The following ASAP1 variants were observed in gnomAD, a reference collection of about 807,000 sequenced individuals.
ASAP1 encodes ArfGAP with SH3 domain, ankyrin repeat and PH domain 1.
ASAP1 carries 43 observed loss-of-function variants against 145.2 expected under a neutral mutation model. The observed-to-expected ratio is 0.30, with a 90% CI of 0.23 to 0.38. ASAP1 has a LOEUF of 0.38. Ranked by LOEUF, ASAP1 falls within the 10% of genes least tolerant of loss-of-function variation. The pLI, the probability that ASAP1 is intolerant of heterozygous loss-of-function variation, is 1.00. For synonymous variants in ASAP1, 546 were observed against 515.5 expected (o/e 1.06, Z -0.80); for missense variants, 1,018 against 1,355.3 (o/e 0.75, Z 3.91).
chr8:130,072,842 G>A (rs78138228), intron 27 of ASAP1, among the ~76,000 whole-genome samples: 1 of 28,988 alleles, frequency 3.4e-5, no homozygotes, highest in Non-Finnish European at 7.0e-5. Context: ...GGGGGGGGCA[G>A]TTTTGGGGAC....
At chr8:130,305,444 A>ACCTCCG (rs1822934737) in intron 3 of ASAP1, among the ~76,000 whole-genome samples, 1 of 151,736 alleles carries the variant, frequency 6.6e-6, no homozygotes. Context: ...GCTCACCACA[A>ACCTCCG]CCTCCGCCTC....
At chr8:130,401,656 C>A (rs1439199329) in intron 2 of ASAP1, among the ~76,000 whole-genome samples, 1 of 152,194 alleles carries the variant, frequency 6.6e-6, no homozygotes, top group Non-Finnish European at 1.5e-5. Flanking sequence ...ACCACCCAGA[C>A]AACTTTCCTT....
chr8:130,242,662 T>C lies in ASAP1; in HGVS notation c.187-5668A>G, dbSNP rs1020850350. Among the ~76,000 whole-genome samples the C allele has an allele frequency of 3.9e-5, 6 of 152,232 alleles. No homozygotes were observed. In the South Asian group the frequency reaches 6.2e-4, roughly 16 times the overall value. On this transcript the variant is annotated intron_variant, in intron 3 of 29. Coordinates refer to ENST00000518721, the MANE Select transcript of ASAP1 (RefSeq NM_018482.4). ...GCCAAATCAGTAAATTATTTACCCA[T>C]TGTAAATCTCCATATGCTAGAACAT...
intron 13 of ASAP1, among the ~76,000 whole-genome samples, chr8:130,137,417 C>T (rs1045498152): frequency 3.3e-5 from 5 of 152,210 alleles, no homozygotes; most frequent in African/African-American, 7.2e-5. Context: ...AATGAACAGT[C>T]GGCATGGTCC....
chr8:130,353,807 G>GT lies in ASAP1; in HGVS notation c.186+4209dup, dbSNP rs1826140325. Among the ~76,000 whole-genome samples, 3 of 152,162 alleles carry GT rather than the reference G, an allele frequency of 2.0e-5. No homozygotes were observed. The South Asian group carries it at 6.2e-4, about 32-fold the overall frequency. On this transcript the variant is annotated intron_variant, in intron 3 of 29. Transcript: ENST00000518721. ...AATTGCTTGAACCTGGGAGGCAGAG[G>GT]TTGCAGTGAGCTGAGATCGCACCAC...
At chr8:130,274,664 C>T (rs183412416) in intron 3 of ASAP1, among the ~76,000 whole-genome samples, 1 of 152,328 alleles carries the variant, frequency 6.6e-6, no homozygotes, top group East Asian at 1.9e-4. Flanking sequence ...TCATTCAAGT[C>T]CGAGTGATCA....
chr8:130,208,765 T>C (rs1328398921), intron 5 of ASAP1: 2 of 152,224 alleles, frequency 1.3e-5, no homozygotes. Context: ...GATGAGGAAT[T>C]CATTACATGG....
intron 3 of ASAP1, among the ~76,000 whole-genome samples, chr8:130,252,358 ATT>A (rs1275188119): frequency 1.3e-5 from 2 of 152,120 alleles, no homozygotes; most frequent in Non-Finnish European, 2.9e-5. Context: ...AATTAAGAAA[ATT>A]TTTTCTTTTA....
intron 27 of ASAP1, among the ~76,000 whole-genome samples, chr8:130,069,297 G>A (rs565390046): frequency 1.3e-5 from 2 of 152,274 alleles, no homozygotes; most frequent in South Asian, 2.1e-4. Flanking sequence ...GTGCAGTGGC[G>A]TGATCTTAGC....
intron 2 of ASAP1, among the ~76,000 whole-genome samples, chr8:130,369,922 A>G (rs909304324): frequency 8.5e-5 from 13 of 152,160 alleles, no homozygotes; most frequent in African/African-American, 3.1e-4. Flanking sequence ...TCCTAACCCA[A>G]TGTGATGGTA....
chr8:130,151,140 A>C (rs1323823610), intron 13 of ASAP1, among the ~76,000 whole-genome samples: 7 of 152,106 alleles, frequency 4.6e-5, no homozygotes, highest in Non-Finnish European at 8.8e-5. Flanking sequence ...TGGGAGGCCG[A>C]AGCGGGCAGA....
intron 5 of ASAP1, among the ~76,000 whole-genome samples, chr8:130,188,965 T>C (rs949259828): frequency 2.0e-5 from 3 of 152,190 alleles, no homozygotes; most frequent in Non-Finnish European, 2.9e-5. Context: ...CATTTTTTTA[T>C]AGCATGTATC....
At chr8:130,198,004 T>C (rs555654578) in intron 5 of ASAP1, among the ~76,000 whole-genome samples, 2 of 152,284 alleles carry the variant, frequency 1.3e-5, no homozygotes, top group African/African-American at 4.8e-5. Context: ...ACACCCCATG[T>C]CTCATTTGCT....
At chr8:130,357,566 G>A (rs1826399597) in intron 3 of ASAP1, among the ~76,000 whole-genome samples, 1 of 152,246 alleles carries the variant, frequency 6.6e-6, no homozygotes, top group Admixed American at 6.5e-5. Flanking sequence ...AGCTACGCCT[G>A]CCTGGTCCAG....
intron 2 of ASAP1, among the ~76,000 whole-genome samples, chr8:130,381,113 G>A (rs1041095593): frequency 8.6e-5 from 13 of 151,998 alleles, no homozygotes; most frequent in African/African-American, 2.4e-4. Context: ...CTTGAACTCC[G>A]GACCTCAAGT....
At chr8:130,058,234 C>T (rs1055706989) in intron 28 of ASAP1, among the ~76,000 whole-genome samples, 158 bp from the exon 29 acceptor site, 2 of 152,298 alleles carry the variant, frequency 1.3e-5, no homozygotes, top group South Asian at 4.1e-4. Context: ...GTCTGTCAGG[C>T]ACCCAGCATA....
At chr8:130,102,438 C>T (rs748910593) in intron 24 of ASAP1, among the ~76,000 whole-genome samples, 9 of 152,126 alleles carry the variant, frequency 5.9e-5, no homozygotes, top group African/African-American at 9.7e-5. Context: ...TGCATCCCTG[C>T]GATAAATCAC....
intron 3 of ASAP1, among the ~76,000 whole-genome samples, chr8:130,335,747 G>A (rs984844258): frequency 1.3e-5 from 2 of 152,214 alleles, no homozygotes; most frequent in Non-Finnish European, 2.9e-5. Context: ...TCTTTGGTCA[G>A]GGAGAGATAG....
chr8:130,330,562 T>C (rs1177453435), intron 3 of ASAP1, among the ~76,000 whole-genome samples: 2 of 152,230 alleles, frequency 1.3e-5, no homozygotes, highest in African/African-American at 2.4e-5. Flanking sequence ...ACCAGGCACA[T>C]AGTAGGTGCT....
Sources: allele counts gnomAD v4.1 joint callset (sites outside exome capture counted in the v4.1 genomes callset), GRCh38; gene constraint gnomAD v4.1.1; transcripts MANE v1.5; gene names NCBI Gene and HGNC (gene_info 2026-07-23, HGNC 2026-07-21).